Variants in TIAM1 observed in about 807,000 individuals in gnomAD.
TIAM1 encodes rho guanine nucleotide exchange factor TIAM1.
In TIAM1, 65 loss-of-function variants were observed where a neutral mutation model predicts 163.5. The ratio of observed to expected loss-of-function variants is 0.40; its 90% CI spans 0.33 to 0.49. The LOEUF (loss-of-function observed/expected upper bound fraction) is 0.49. Ranked by LOEUF, TIAM1 falls within the 20% of genes least tolerant of loss-of-function variation. The probability of loss-of-function intolerance (pLI) is 0.77; values close to 1 mark genes in which losing one functional copy is unlikely to be tolerated. For missense variants in TIAM1, 1,789 were observed against 2,044.7 expected (o/e 0.87, Z 2.41); for synonymous variants, 833 against 810.1 (o/e 1.03, Z -0.48).
At chr21:31,315,629 T>C (rs559864983) in intron 2 of TIAM1, among the ~76,000 whole-genome samples, 2 of 120,500 alleles carry the variant, frequency 1.7e-5, no homozygotes, top group Non-Finnish European at 1.6e-5. Context: ...TGAGCCAACA[T>C]AGCGCCCCTG....
chr21:31,422,536 G>A (rs1399369488), intron 2 of TIAM1, among the ~76,000 whole-genome samples: 1 of 152,036 alleles, frequency 6.6e-6, no homozygotes, highest in Non-Finnish European at 1.5e-5. Flanking sequence ...TCACATTTAC[G>A]AGAAGTCTGT....
chr21:31,532,581 G>A (rs2048005100), intron 1 of TIAM1, among the ~76,000 whole-genome samples: 1 of 152,062 alleles, frequency 6.6e-6, no homozygotes, highest in Admixed American at 6.6e-5. Flanking sequence ...CATTAATTTT[G>A]CTGCAGAGAA....
intron 1 of TIAM1, among the ~76,000 whole-genome samples, chr21:31,506,285 T>C (rs375712189): frequency 1.1e-5 from 1 of 90,792 alleles, no homozygotes; most frequent in East Asian, 7.3e-4. Context: ...CACACACATA[T>C]GCATCTGCAT....
intron 2 of TIAM1, among the ~76,000 whole-genome samples, chr21:31,405,518 G>A (rs1405204750): frequency 6.6e-6 from 1 of 152,134 alleles, no homozygotes; most frequent in Non-Finnish European, 1.5e-5. Flanking sequence ...CTGAGACTGG[G>A]CAATGTACAA....
At chr21:31,334,067 A>G (rs2075765197) in intron 2 of TIAM1, among the ~76,000 whole-genome samples, 1 of 152,200 alleles carries the variant, frequency 6.6e-6, no homozygotes. Flanking sequence ...CTTCCAATCA[A>G]CGCTTATGGC....
intron 2 of TIAM1, among the ~76,000 whole-genome samples, chr21:31,313,459 T>C (rs753860557): frequency 5.9e-5 from 9 of 152,178 alleles, no homozygotes; most frequent in Non-Finnish European, 1.2e-4. Flanking sequence ...ATTTGCAACA[T>C]TTGTAGGTGA....
intron 4 of TIAM1, among the ~76,000 whole-genome samples, chr21:31,255,612 G>A (rs1028208751): frequency 5.3e-5 from 8 of 152,144 alleles, no homozygotes; most frequent in African/African-American, 1.9e-4. Context: ...CTGACACCAC[G>A]GAATAGTCCC....
intron 2 of TIAM1, among the ~76,000 whole-genome samples, chr21:31,301,671 C>G (rs1198692431): frequency 6.6e-6 from 1 of 152,050 alleles, no homozygotes; most frequent in Admixed American, 6.5e-5. Flanking sequence ...GAAACCCCCT[C>G]TTTACTAAAA....
At chr21:31,174,259 C>A (rs1031672720) in intron 15 of TIAM1, among the ~76,000 whole-genome samples, 1 of 152,254 alleles carries the variant, frequency 6.6e-6, no homozygotes, top group African/African-American at 2.4e-5. Flanking sequence ...AGAGGCACGT[C>A]CTGCCCATGC....
chr21:31,318,016 C>T (rs2075186766), intron 2 of TIAM1, among the ~76,000 whole-genome samples: 1 of 152,226 alleles, frequency 6.6e-6, no homozygotes, highest in Admixed American at 6.5e-5. Flanking sequence ...GGTTACTGCA[C>T]AATCACAGAG....
At chr21:31,549,598 T>C (rs763630102) in intron 1 of TIAM1, among the ~76,000 whole-genome samples, 2 of 152,162 alleles carry the variant, frequency 1.3e-5, no homozygotes, top group African/African-American at 4.8e-5. Flanking sequence ...GAAATGCATA[T>C]CAAAACCATG....
intron 19 of TIAM1, 68 bp downstream of exon 19, chr21:31,152,568 C>T (rs950410423): frequency 6.3e-7 from 1 of 1,589,802 alleles, no homozygotes; most frequent in South Asian, 1.2e-5. Flanking sequence ...AAGACATCAA[C>T]ACGATCAGGG....
chr21:31,217,532 T>G, intron 9 of TIAM1, 21 bp downstream of exon 9: 2 of 1,610,646 alleles, frequency 1.2e-6, no homozygotes, highest in Non-Finnish European at 1.7e-6. Context: ...GGGCTCACTT[T>G]TCATCTGCTC....
At chr21:31,450,334 CTT>C (rs1345009809) in intron 2 of TIAM1, among the ~76,000 whole-genome samples, 1 of 152,178 alleles carries the variant, frequency 6.6e-6, no homozygotes, top group African/African-American at 2.4e-5. Context: ...GTTTCCTTGA[CTT>C]TCTGCAAGAA....
chr21:31,240,798 A>G (rs1169304293), intron 6 of TIAM1, among the ~76,000 whole-genome samples: 1 of 152,204 alleles, frequency 6.6e-6, no homozygotes, highest in African/African-American at 2.4e-5. Context: ...AAAGTTGGGG[A>G]ATACGATTTC....
intron 2 of TIAM1, among the ~76,000 whole-genome samples, chr21:31,393,038 T>A (rs907371382): frequency 6.6e-6 from 1 of 151,454 alleles, no homozygotes; most frequent in African/African-American, 2.4e-5. Flanking sequence ...TCACAGCAAC[T>A]TCCCCCTCCT....
At chr21:31,356,692 G>A (rs1383177252) in intron 2 of TIAM1, among the ~76,000 whole-genome samples, 1 of 152,252 alleles carries the variant, frequency 6.6e-6, no homozygotes, top group African/African-American at 2.4e-5. Context: ...TCAGCCTCCA[G>A]ACTGTGAAAT....
intron 15 of TIAM1, among the ~76,000 whole-genome samples, chr21:31,168,449 G>T (rs770400258): frequency 3.9e-5 from 6 of 151,916 alleles, no homozygotes; most frequent in Non-Finnish European, 7.4e-5. Flanking sequence ...GGCCCAGGCT[G>T]GAGTGCAGTG....
At chr21:31,220,446 T>G (rs1320544962) in intron 8 of TIAM1, among the ~76,000 whole-genome samples, 1 of 152,208 alleles carries the variant, frequency 6.6e-6, no homozygotes, top group Admixed American at 6.5e-5. Flanking sequence ...CATGTATACA[T>G]ATGTAACAAA....
Sources: allele counts gnomAD v4.1 joint callset (sites outside exome capture counted in the v4.1 genomes callset), GRCh38; gene constraint gnomAD v4.1.1; transcripts MANE v1.5; gene names NCBI Gene and HGNC (gene_info 2026-07-23, HGNC 2026-07-21).